ARID1B: variants seen among roughly 807,000 people sequenced by gnomAD.
ARID1B encodes the protein AT-rich interaction domain 1B, also known as AT-rich interactive domain-containing protein 1B.
ARID1B carries 30 observed loss-of-function variants against 212.3 expected under a neutral mutation model. The observed-to-expected ratio is 0.14, with a 90% CI of 0.11 to 0.19. The LOEUF (loss-of-function observed/expected upper bound fraction) is 0.19, where lower values mean the gene tolerates loss of function less well. ARID1B is among the 10% of genes least tolerant of loss of function. The pLI, the probability that ARID1B is intolerant of heterozygous loss-of-function variation, is 1.00. For synonymous variants in ARID1B, 1,402 were observed against 1,301.7 expected (o/e 1.08, Z -1.66); for missense variants, 2,891 against 3,204.0 (o/e 0.90, Z 2.36).
chr6:157,136,990 C>A (rs142199291), intron 7 of ARID1B, among the ~76,000 whole-genome samples: 74 of 152,284 alleles, frequency 4.9e-4, no homozygotes, highest in African/African-American at 1.6e-3. Flanking sequence ...CCAGCCTGGG[C>A]AACATGGTAG....
chr6:156,779,421 C>A lies in ARID1B; in HGVS notation c.1741C>A (p.His581Asn). 1 of 1,466,324 alleles carries A rather than the reference C, an allele frequency of 6.8e-7. No individual in the cohort carries two copies. Among genetic ancestry groups the A allele is most frequent in the Non-Finnish European group, 9.0e-7 (1 of 1,107,328 alleles). The allele number at this position is 1,466,324 out of a possible 1,614,324, so 90.8% of individuals were successfully genotyped here. The part of the protein sequence containing the change: ...PAWAAAQQRS[H>N]PAMSPGTPGP... ...CTGGGCGGCCGCGCAACAAAGGAGTCACCCGGCGATGAGCCCCGGCACCCC... is the reference window on the plus strand; with the variant it reads ...CTGGGCGGCCGCGCAACAAAGGAGTAACCCGGCGATGAGCCCCGGCACCCC... Residue 581 changes from histidine to asparagine, a missense_variant, in exon 1 of 20, where the codon CAC becomes AAC. Physicochemically the swap from His to Asn is moderately conservative, Grantham distance 68. Transcript: ENST00000636930.
intron 2 of ARID1B, among the ~76,000 whole-genome samples, chr6:156,878,663 C>T (rs565939871): frequency 1.4e-4 from 21 of 152,306 alleles, no homozygotes; most frequent in African/African-American, 5.1e-4. Flanking sequence ...TTTGGCCTTT[C>T]CAGCCTCTCT....
chr6:157,022,788 A>G (rs1780401949), intron 4 of ARID1B: 1 of 152,238 alleles, frequency 6.6e-6, no homozygotes, highest in Admixed American at 6.5e-5. Context: ...TCAGACTCAA[A>G]GCAACTTAAT....
chr6:156,875,114 T>C (rs1381921320), intron 2 of ARID1B, among the ~76,000 whole-genome samples: 2 of 152,218 alleles, frequency 1.3e-5, no homozygotes, highest in Non-Finnish European at 2.9e-5. Flanking sequence ...TTAAGAGTAG[T>C]GTCTAGATAT....
intron 4 of ARID1B, among the ~76,000 whole-genome samples, chr6:156,963,813 A>C (rs1314660757): frequency 6.6e-6 from 1 of 152,256 alleles, no homozygotes; most frequent in Non-Finnish European, 1.5e-5. Context: ...CTTGCACAAC[A>C]GAAATTTTAA....
At chr6:157,166,211 G>A (rs1346968695) in intron 8 of ARID1B, 1 of 152,174 alleles carries the variant, frequency 6.6e-6, no homozygotes, top group Admixed American at 6.5e-5. Context: ...GTTACTAACA[G>A]TCAGAGAATT....
chr6:156,890,659 T>C (rs1787856285), intron 2 of ARID1B, among the ~76,000 whole-genome samples: 1 of 152,226 alleles, frequency 6.6e-6, no homozygotes, highest in Admixed American at 6.5e-5. Flanking sequence ...GGTGGTCAGC[T>C]AGCCCATTCT....
intron 4 of ARID1B, among the ~76,000 whole-genome samples, chr6:157,010,359 C>G (rs1396519229): frequency 7.3e-6 from 1 of 137,660 alleles, no homozygotes; most frequent in African/African-American, 2.7e-5. Context: ...GAGACTAGCT[C>G]TGTTGCCAGG....
intron 11 of ARID1B, among the ~76,000 whole-genome samples, chr6:157,180,710 T>A (rs1204824025): frequency 1.3e-5 from 2 of 152,208 alleles, no homozygotes; most frequent in Non-Finnish European, 2.9e-5. Flanking sequence ...AAAAGGGCTT[T>A]GTTCTTTTTT....
chr6:157,095,192 C>T (rs1785528893), intron 5 of ARID1B, among the ~76,000 whole-genome samples: 1 of 152,136 alleles, frequency 6.6e-6, no homozygotes, highest in South Asian at 2.1e-4. Flanking sequence ...ATTTCTAGTT[C>T]TGCTGAAGCT....
rs184670590 is a variant in ARID1B at position 156,811,841 on chromosome 6, C to T, written c.1792-17386C>T. 2.3e-3 allele frequency among the ~76,000 whole-genome samples: 346 copies of T among 152,272 alleles called. 1 individual carries two copies. The highest frequency in any genetic ancestry group is 7.8e-3 in the African/African-American group (323 of 41,556). On this transcript the variant is annotated intron_variant, in intron 1 of 19. Coordinates refer to ENST00000636930, the MANE Select transcript of ARID1B (RefSeq NM_001374828.1). ...TTCTGTAGCAGGCTAAGAAAGTCTT[C>T]TAGTTACATTCTGCTTATCTCAAGG...
At chr6:156,852,593 G>A (rs941663368) in intron 2 of ARID1B, among the ~76,000 whole-genome samples, 9 of 151,992 alleles carry the variant, frequency 5.9e-5, no homozygotes, top group Non-Finnish European at 1.3e-4. Flanking sequence ...TTTACCATTA[G>A]CAGATGTTTT....
intron 3 of ARID1B, among the ~76,000 whole-genome samples, chr6:156,907,271 G>C (rs1789475843): frequency 6.6e-6 from 1 of 152,086 alleles, no homozygotes; most frequent in Non-Finnish European, 1.5e-5. Context: ...GGCTAAGGAA[G>C]TTCCCTTCTT....
At chr6:156,810,191 G>A (rs1371499752) in intron 1 of ARID1B, among the ~76,000 whole-genome samples, 1 of 152,182 alleles carries the variant, frequency 6.6e-6, no homozygotes, top group Admixed American at 6.5e-5. Flanking sequence ...TGTACACATT[G>A]TCCTATATTG....
At chr6:156,917,559 A>C (rs1342013761) in intron 3 of ARID1B, among the ~76,000 whole-genome samples, 1 of 152,212 alleles carries the variant, frequency 6.6e-6, no homozygotes, top group African/African-American at 2.4e-5. Flanking sequence ...CTGGTGAGAG[A>C]AGAAGTGATC....
intron 2 of ARID1B, among the ~76,000 whole-genome samples, chr6:156,853,655 C>G (rs1010438704): frequency 6.6e-6 from 1 of 152,192 alleles, no homozygotes; most frequent in African/African-American, 2.4e-5. Flanking sequence ...TCTTTGAGCT[C>G]TGAGGCTCAG....
At chr6:157,007,918 C>T (rs1051150409) in intron 4 of ARID1B, among the ~76,000 whole-genome samples, 1 of 151,718 alleles carries the variant, frequency 6.6e-6, no homozygotes, top group African/African-American at 2.4e-5. Context: ...CCTCGGGATC[C>T]GCCCACCTCG....
chr6:156,809,525 G>A (rs1055664907), intron 1 of ARID1B, among the ~76,000 whole-genome samples: 1 of 152,034 alleles, frequency 6.6e-6, no homozygotes, highest in African/African-American at 2.4e-5. Flanking sequence ...AATTATGCAT[G>A]CTTAAAGGAA....
chr6:157,005,708 T>A (rs1779214196), intron 4 of ARID1B, among the ~76,000 whole-genome samples: 1 of 152,178 alleles, frequency 6.6e-6, no homozygotes, highest in South Asian at 2.1e-4. Context: ...CCGTAAAGTT[T>A]ATGAGCAGAG....
Sources: allele counts gnomAD v4.1 joint callset (sites outside exome capture counted in the v4.1 genomes callset), GRCh38; gene constraint gnomAD v4.1.1; transcripts MANE v1.5; gene names NCBI Gene and HGNC (gene_info 2026-07-23, HGNC 2026-07-21).